NPAS3: variants seen among roughly 807,000 people sequenced by gnomAD.
The protein encoded by NPAS3 is neuronal PAS domain-containing protein 3.
Under a neutral mutation model 73.1 loss-of-function variants are expected in NPAS3, and 14 were observed. The ratio of observed to expected loss-of-function variants is 0.19; its 90% confidence interval spans 0.13 to 0.30. The LOEUF is 0.30. Ranked by LOEUF, NPAS3 falls within the 10% of genes least tolerant of loss-of-function variation. The pLI, the probability that NPAS3 is intolerant of heterozygous loss-of-function variation, is 1.00. For missense variants in NPAS3, 1,096 were observed against 1,250.0 expected (o/e 0.88, Z 1.86); for synonymous variants, 620 against 541.5 (o/e 1.14, Z -2.01).
chr14:33,620,302 G>T (rs935067306), intron 5 of NPAS3, among the ~76,000 whole-genome samples: 1 of 152,144 alleles, frequency 6.6e-6, no homozygotes, highest in African/African-American at 2.4e-5. Context: ...AGGTACTTCT[G>T]TCTCTGTTCC....
chr14:33,651,348 A>T (rs1428444023), intron 5 of NPAS3, among the ~76,000 whole-genome samples: 1 of 152,186 alleles, frequency 6.6e-6, no homozygotes, highest in Non-Finnish European at 1.5e-5. Context: ...CACTGTTCAT[A>T]GGCTAGGTGG....
At chr14:33,395,586 A>G (rs2047187735) in intron 4 of NPAS3, among the ~76,000 whole-genome samples, 1 of 152,112 alleles carries the variant, frequency 6.6e-6, no homozygotes, top group Non-Finnish European at 1.5e-5. Context: ...ATACATGTAT[A>G]TATTATGTAT....
At chr14:33,592,721 C>A (rs1595229909) in intron 5 of NPAS3, among the ~76,000 whole-genome samples, 1 of 152,262 alleles carries the variant, frequency 6.6e-6, no homozygotes, top group South Asian at 2.1e-4. Context: ...AAATGCGAAG[C>A]AAAGGAATAT....
At chr14:33,518,760 G>A (rs2053425854) in intron 4 of NPAS3, among the ~76,000 whole-genome samples, 2 of 144,844 alleles carry the variant, frequency 1.4e-5, no homozygotes, top group South Asian at 4.8e-4. Flanking sequence ...ACAGAGTTGG[G>A]GGCCTCTCTT....
At chr14:33,058,021 A>G (rs549226642) in intron 2 of NPAS3, among the ~76,000 whole-genome samples, 26 of 152,172 alleles carry the variant, frequency 1.7e-4, no homozygotes, top group Non-Finnish European at 3.4e-4. Context: ...GTTTATTAGA[A>G]AGCTGGTGTT....
intron 4 of NPAS3, among the ~76,000 whole-genome samples, chr14:33,394,413 G>C (rs2047135869): frequency 6.6e-6 from 1 of 152,082 alleles, no homozygotes; most frequent in Non-Finnish European, 1.5e-5. Context: ...ACAATATCCA[G>C]AATTAAGGTA....
chr14:33,355,136 G>C (rs1034275882), intron 3 of NPAS3, among the ~76,000 whole-genome samples: 5 of 152,142 alleles, frequency 3.3e-5, no homozygotes, highest in Non-Finnish European at 5.9e-5. Context: ...TTGTGCCATT[G>C]TGTGTGTTCT....
intron 6 of NPAS3, among the ~76,000 whole-genome samples, chr14:33,721,775 A>G (rs1032729411): frequency 5.3e-5 from 8 of 152,206 alleles, no homozygotes; most frequent in African/African-American, 1.7e-4. Flanking sequence ...GATAAGCACT[A>G]CGTATATGAT....
intron 1 of NPAS3, among the ~76,000 whole-genome samples, chr14:32,968,064 G>A (rs2037258037): frequency 6.6e-6 from 1 of 152,128 alleles, no homozygotes; most frequent in Non-Finnish European, 1.5e-5. Context: ...GTAGAATAGT[G>A]GTTACCAGAG....
intron 2 of NPAS3, among the ~76,000 whole-genome samples, chr14:33,144,453 G>A (rs542099187): frequency 6.6e-6 from 1 of 152,314 alleles, no homozygotes; most frequent in East Asian, 1.9e-4. Context: ...AGACACTTAT[G>A]TCAACATTTC....
At chr14:33,453,881 G>A (rs1172960743) in intron 4 of NPAS3, among the ~76,000 whole-genome samples, 1 of 152,104 alleles carries the variant, frequency 6.6e-6, no homozygotes, top group African/African-American at 2.4e-5. Context: ...GTAGAGATGG[G>A]GATTCACCAC....
At chr14:33,111,044 T>A (rs1486161853) in intron 2 of NPAS3, among the ~76,000 whole-genome samples, 2 of 152,136 alleles carry the variant, frequency 1.3e-5, no homozygotes, top group Admixed American at 1.3e-4. Context: ...TTGGCCAGTT[T>A]GTCTCTGAAG....
chr14:32,979,753 C>CT lies in NPAS3; in HGVS notation c.50+40394dup, dbSNP rs567038745. 3.9e-3 allele frequency among the ~76,000 whole-genome samples: 594 copies of CT among 152,196 alleles called. 2 individuals carry two copies. The highest frequency in any genetic ancestry group is 0.01 in the African/African-American group (435 of 41,514). On this transcript the variant is annotated intron_variant, in intron 1 of 11. Coordinates refer to ENST00000356141, the Ensembl canonical transcript of NPAS3. ...CTTCTCTTTGGTTTTGAAATTTTCA[C>CT]TTTTTTTCTTGTAATGATCAGTCTA...
intron 2 of NPAS3, among the ~76,000 whole-genome samples, chr14:33,095,657 C>CTTTTTTTG (rs201283993): frequency 1.0e-5 from 1 of 97,656 alleles, no homozygotes; most frequent in African/African-American, 4.5e-5. Flanking sequence ...GCATTCTCTG[C>CTTTTTTTG]TTTTATTTTT....
At chr14:33,628,039 G>A (rs932533760) in intron 5 of NPAS3, among the ~76,000 whole-genome samples, 5 of 152,236 alleles carry the variant, frequency 3.3e-5, no homozygotes, top group Admixed American at 3.3e-4. Flanking sequence ...TTTGGAAGTT[G>A]AATATGCCTC....
At chr14:32,945,109 C>A (rs1210296639) in intron 1 of NPAS3, among the ~76,000 whole-genome samples, 2 of 152,114 alleles carry the variant, frequency 1.3e-5, no homozygotes, top group Admixed American at 1.3e-4. Flanking sequence ...CCAGAAGATA[C>A]CCTTTTCTAA....
intron 3 of NPAS3, among the ~76,000 whole-genome samples, chr14:33,286,461 G>A (rs2041877786): frequency 6.6e-6 from 1 of 152,108 alleles, no homozygotes; most frequent in East Asian, 1.9e-4. Context: ...ACAGATAATG[G>A]CATTGTGCTG....
chr14:33,769,788 A>G (rs1332643106), intron 7 of NPAS3, among the ~76,000 whole-genome samples: 1 of 68,294 alleles, frequency 1.5e-5, no homozygotes, highest in Admixed American at 1.8e-4. Context: ...TTTTTGAGAC[A>G]AGATCTTGCT....
At position 33,055,984 on chromosome 14, in the gene NPAS3, A is replaced by G. The variant is rs2040873631; in HGVS notation, c.130A>G (p.Thr44Ala). The change falls in exon 2 of 12, where the codon ACC (threonine) becomes GCC (alanine). Residue 44 changes from threonine (T) to alanine (A), a missense_variant. Around this residue, in one of 5 missense-constraint regions of NPAS3, gnomAD observed 30 missense variants for 69.0 expected, o/e 0.43. Coordinates refer to ENST00000356141, the Ensembl canonical transcript of NPAS3. ...ATATGACGGAATCTACTGTGAATCT[A>G]CCTACCAGAAGTATGTTGAAATCTT... is the stretch of plus-strand genomic sequence containing the variant. The G allele has an allele frequency of 1.2e-6, 1 of 810,014 alleles. No homozygotes were observed. The highest frequency in any genetic ancestry group is 1.7e-5 in the African/African-American group (1 of 59,410). The allele number at this position is 810,014 out of a possible 1,614,324, so 50.2% of individuals were successfully genotyped here. A position where few individuals can be genotyped will look rare whatever the true frequency, so the allele number is the denominator to read the frequency against.
Sources: allele counts gnomAD v4.1 joint callset (sites outside exome capture counted in the v4.1 genomes callset), GRCh38; gene constraint gnomAD v4.1.1; regional missense constraint gnomAD v4.1.1; transcripts MANE v1.5; gene names NCBI Gene and HGNC (gene_info 2026-07-23, HGNC 2026-07-21).